PCDHA12: variants seen among roughly 807,000 people sequenced by gnomAD.
PCDHA12 encodes the protein protocadherin alpha 12, also known as protocadherin alpha-12.
PCDHA12 carries 44 observed loss-of-function variants against 60.0 expected under a neutral mutation model. The ratio of observed to expected loss-of-function variants is 0.73; its 90% confidence interval spans 0.58 to 0.94. The LOEUF is 0.94. Among genes scored for constraint, PCDHA12 ranks in the 40% least tolerant of loss-of-function variants. The pLI, the probability that PCDHA12 is intolerant of heterozygous loss-of-function variation, is 0.00. For synonymous variants in PCDHA12, 569 were observed against 553.0 expected (o/e 1.03, Z -0.40); for missense variants, 1,276 against 1,239.7 (o/e 1.03, Z -0.44).
intron 1 of PCDHA12, among the ~76,000 whole-genome samples, chr5:140,964,472 T>C (rs1160731930): frequency 6.6e-6 from 1 of 152,074 alleles, no homozygotes; most frequent in Non-Finnish European, 1.5e-5. Context: ...GTGCCTATGA[T>C]TTTTTCACAG....
chr5:140,883,868 C>G lies in PCDHA12; in HGVS notation c.2367+6029C>G, dbSNP rs782022578. ...CGAGGAGCTGGAGCTGTTGCAGTTC[C>G]AGGTGAGCGCGCGCGACTCTGGCGT... On this transcript the variant is annotated intron_variant, in intron 1 of 3. Coordinates refer to ENST00000398631, the MANE Select transcript of PCDHA12 (RefSeq NM_018903.4). 9.9e-6 allele frequency: 16 copies of G among 1,613,048 alleles called. No homozygotes were observed. The Admixed American group carries it at 2.5e-4, about 25-fold the overall frequency.
At chr5:140,948,823 A>G (rs1554218722) in intron 1 of PCDHA12, among the ~76,000 whole-genome samples, 2 of 151,238 alleles carry the variant, frequency 1.3e-5, no homozygotes, top group African/African-American at 4.8e-5. Flanking sequence ...TATTTCATTA[A>G]TTTCTGCTTT....
chr5:140,883,557 G>C, intron 1 of PCDHA12: 1 of 1,614,214 alleles, frequency 6.2e-7, no homozygotes, highest in Non-Finnish European at 8.5e-7. Flanking sequence ...GCGCGGGACG[G>C]GGGCTCGCCT....
At chr5:140,971,661 TAGAG>T (rs2096491377) in intron 1 of PCDHA12, among the ~76,000 whole-genome samples, 1 of 152,064 alleles carries the variant, frequency 6.6e-6, no homozygotes, top group Non-Finnish European at 1.5e-5. Context: ...AGATGGGAAT[TAGAG>T]AGGAAGAGTA....
intron 3 of PCDHA12, among the ~76,000 whole-genome samples, chr5:141,005,737 G>GATGAGAA (rs1365089563): frequency 2.8e-5 from 4 of 143,576 alleles, no homozygotes; most frequent in Non-Finnish European, 6.0e-5. Context: ...AAAAAGAATG[G>GATGAGAA]ATGAGAAATC....
chr5:140,953,279 A>T (rs2153698724), intron 1 of PCDHA12, among the ~76,000 whole-genome samples: 1 of 152,188 alleles, frequency 6.6e-6, no homozygotes, highest in Non-Finnish European at 1.5e-5. Context: ...TTTGCTCTTT[A>T]TATGTGATTC....
chr5:140,879,816 G>C (rs1232945342), intron 1 of PCDHA12, among the ~76,000 whole-genome samples: 9 of 152,196 alleles, frequency 5.9e-5, no homozygotes, highest in African/African-American at 2.2e-4. Flanking sequence ...TTGGCTGTTG[G>C]TGTTCCCTGG....
At chr5:140,973,207 A>C (rs1335984656) in intron 1 of PCDHA12, among the ~76,000 whole-genome samples, 1 of 152,100 alleles carries the variant, frequency 6.6e-6, no homozygotes, top group Non-Finnish European at 1.5e-5. Flanking sequence ...GTGCATATTC[A>C]CCCTAATTCC....
intron 1 of PCDHA12, among the ~76,000 whole-genome samples, chr5:140,896,855 A>G (rs2065775013): frequency 6.6e-6 from 1 of 152,196 alleles, no homozygotes; most frequent in South Asian, 2.1e-4. Flanking sequence ...TTATGGGTAC[A>G]TAATAAGTGT....
At chr5:140,992,187 G>C (rs1395618041) in intron 3 of PCDHA12, among the ~76,000 whole-genome samples, 1 of 152,118 alleles carries the variant, frequency 6.6e-6, no homozygotes, top group Non-Finnish European at 1.5e-5. Flanking sequence ...CATGCTTTCA[G>C]TGATCTATCC....
intron 1 of PCDHA12, chr5:140,928,602 GC>G: frequency 1.2e-6 from 2 of 1,614,176 alleles, no homozygotes; most frequent in Non-Finnish European, 1.7e-6. Flanking sequence ...TGGAAATTGT[GC>G]CCCGCTCTGC....
intron 1 of PCDHA12, among the ~76,000 whole-genome samples, chr5:140,959,379 A>T (rs2095484732): frequency 6.6e-6 from 1 of 152,176 alleles, no homozygotes; most frequent in Admixed American, 6.5e-5. Context: ...GTCTCAAAAA[A>T]AAAAGTCACA....
intron 1 of PCDHA12, chr5:140,883,969 G>T (rs1398092888): frequency 5.6e-6 from 9 of 1,612,844 alleles, no homozygotes; most frequent in Non-Finnish European, 7.6e-6. Flanking sequence ...CGCTGCTGAC[G>T]CCCGGGGCTG....
At chr5:140,917,519 T>C (rs1554198226) in intron 1 of PCDHA12, among the ~76,000 whole-genome samples, 1 of 152,256 alleles carries the variant, frequency 6.6e-6, no homozygotes, top group East Asian at 1.9e-4. Context: ...GGTTTTATTC[T>C]ACGGTTTGTA....
At position 141,011,472 on chromosome 5, in the gene PCDHA12, C is replaced by T. The variant is rs1347341869; in HGVS notation, c.*1535C>T. 40 of 153,652 alleles carry T rather than the reference C, an allele frequency of 2.6e-4. No individual in the cohort carries two copies. The highest frequency in any genetic ancestry group is 9.4e-4 in the African/African-American group (39 of 41,410). 9.5% of individuals were successfully genotyped at this position (153,652 alleles called of 1,614,324 possible). On this transcript the variant is annotated 3_prime_UTR_variant, in exon 4 of 4. Transcript: ENST00000398631. Reference sequence around the variant, plus strand: ...TAAGCTTTATTGTTGAATGTAATTCCATTATATTTCCTTTTGTACACCTGT... The same window carrying T: ...TAAGCTTTATTGTTGAATGTAATTCTATTATATTTCCTTTTGTACACCTGT...
intron 1 of PCDHA12, among the ~76,000 whole-genome samples, chr5:140,965,377 A>G (rs1479954226): frequency 6.6e-6 from 1 of 152,190 alleles, no homozygotes; most frequent in Non-Finnish European, 1.5e-5. Flanking sequence ...AAACTTGGGG[A>G]CACAGAAGAA....
chr5:140,880,736 T>C (rs1554171410), intron 1 of PCDHA12, among the ~76,000 whole-genome samples: 4 of 152,068 alleles, frequency 2.6e-5, no homozygotes, highest in Non-Finnish European at 5.9e-5. Context: ...ATAGAGAAAA[T>C]GGATTGTCAG....
At position 140,877,493 on chromosome 5, in the gene PCDHA12, A is replaced by C; in HGVS notation, c.2021A>C (p.Gln674Pro). 6.2e-7 allele frequency: 1 copy of C among 1,613,856 alleles called. No individual in the cohort carries two copies. Among genetic ancestry groups the C allele is most frequent in the African/African-American group, 1.3e-5 (1 of 75,048 alleles). The change falls in exon 1 of 4, where the codon CAG becomes CCG. Residue 674 changes from glutamine (Q) to proline (P), a missense_variant. Transcript: ENST00000398631. ...CTGGTGTCGCTGGTGGAGAACGGCC[A>C]GGCCCCAAAGACGTCGTCGCGGGCC... ...TVLVSLVENG[Q>P]APKTSSRASV...
Position 140,886,556 on chromosome 5 carries a change from G to A in PCDHA12, c.2367+8717G>A, listed in dbSNP as rs368447778. On this transcript the variant is annotated intron_variant, in intron 1 of 3. Coordinates refer to ENST00000398631, the MANE Select transcript of PCDHA12 (RefSeq NM_018903.4). ...TAGAAAGGTCTTCCCAGCTGGGCACGGTGGCTCACGCCTGTAATCCCAGCA... is the reference window on the plus strand; with the variant it reads ...TAGAAAGGTCTTCCCAGCTGGGCACAGTGGCTCACGCCTGTAATCCCAGCA... Among the ~76,000 whole-genome samples, 30 of 151,832 alleles carry A rather than the reference G, an allele frequency of 2.0e-4. No individual in the cohort carries two copies. The East Asian group carries it at 5.5e-3, about 28-fold the overall frequency.
Sources: allele counts gnomAD v4.1 joint callset (sites outside exome capture counted in the v4.1 genomes callset), GRCh38; gene constraint gnomAD v4.1.1; transcripts MANE v1.5; gene names NCBI Gene and HGNC (gene_info 2026-07-23, HGNC 2026-07-21).